Variants in DNAH11 observed in about 807,000 individuals in gnomAD.
DNAH11 encodes dynein axonemal heavy chain 11, also known as axonemal beta dynein heavy chain 11.
Under a neutral mutation model 526.0 loss-of-function variants are expected in DNAH11, and 442 were observed. That is an observed-to-expected ratio of 0.84 (90% CI 0.78 to 0.91). The LOEUF (loss-of-function observed/expected upper bound fraction) is 0.91. Among genes scored for constraint, DNAH11 ranks in the 40% least tolerant of loss-of-function variants. The pLI is 0.00. For synonymous variants in DNAH11, 2,461 were observed against 1,935.9 expected (o/e 1.27, Z -7.12); for missense variants, 6,989 against 5,448.7 (o/e 1.28, Z -8.90).
intron 56 of DNAH11, among the ~76,000 whole-genome samples, chr7:21,776,565 A>G (rs987422723): frequency 3.9e-5 from 6 of 152,182 alleles, no homozygotes; most frequent in African/African-American, 1.4e-4. Flanking sequence ...TTATAGCCAA[A>G]TAACCTCTCT....
At chr7:21,716,391 A>T (rs898648564) in intron 42 of DNAH11, among the ~76,000 whole-genome samples, 2 of 152,236 alleles carry the variant, frequency 1.3e-5, no homozygotes, top group African/African-American at 4.8e-5. Flanking sequence ...GCAAACTTAC[A>T]TAATCCTCAC....
chr7:21,727,845 A>C (rs1430354085), intron 45 of DNAH11, among the ~76,000 whole-genome samples: 1 of 152,204 alleles, frequency 6.6e-6, no homozygotes, highest in Non-Finnish European at 1.5e-5. Context: ...TCTAGAGGCT[A>C]GAAGTCCAAG....
intron 45 of DNAH11, among the ~76,000 whole-genome samples, chr7:21,728,674 A>G (rs549861522): frequency 7.9e-5 from 12 of 152,336 alleles, no homozygotes; most frequent in African/African-American, 2.2e-4. Flanking sequence ...GAATTGAGGT[A>G]CAATTCATCC....
At chr7:21,666,321 T>A (rs1311000996) in intron 30 of DNAH11, among the ~76,000 whole-genome samples, 3 of 152,110 alleles carry the variant, frequency 2.0e-5, no homozygotes, top group African/African-American at 7.2e-5. Context: ...TGAAGGTTCC[T>A]TGGTGAAAGT....
intron 58 of DNAH11, among the ~76,000 whole-genome samples, chr7:21,785,661 A>G (rs10265592): frequency 0.71 from 107,691 of 152,072 alleles, 38,917 homozygotes; most frequent in Non-Finnish European, 0.77. Flanking sequence ...CTCTTTACTC[A>G]GGCAAAATAG....
chr7:21,617,611 T>C lies in DNAH11; in HGVS notation c.4096-8T>C, dbSNP rs770680639. On this transcript the variant is annotated splice_region_variant and splice_polypyrimidine_tract_variant and intron_variant, in intron 22 of 81. Coordinates refer to ENST00000409508, the MANE Select transcript of DNAH11 (RefSeq NM_001277115.2). Reference sequence around the variant, plus strand: ...GGGAGCTAGGTTTTTTCCTCCACTTTTCTTTAGGAAATTTGGTCACTCAAC... The same window carrying C: ...GGGAGCTAGGTTTTTTCCTCCACTTCTCTTTAGGAAATTTGGTCACTCAAC... 1.9e-6 allele frequency: 3 copies of C among 1,613,638 alleles called. No individual in the cohort carries two copies. The highest frequency in any genetic ancestry group is 4.5e-5 in the East Asian group (2 of 44,862).
At chr7:21,576,896 C>T (rs977549429) in intron 8 of DNAH11, among the ~76,000 whole-genome samples, 1 of 152,010 alleles carries the variant, frequency 6.6e-6, no homozygotes, top group Non-Finnish European at 1.5e-5. Context: ...AGAAATGTGT[C>T]TATGTGTGTT....
At chr7:21,548,639 A>G (rs1345511408) in intron 2 of DNAH11, among the ~76,000 whole-genome samples, 1 of 152,194 alleles carries the variant, frequency 6.6e-6, no homozygotes, top group Non-Finnish European at 1.5e-5. Flanking sequence ...AACAGGTTAC[A>G]GAGGTTCCTT....
rs980220652 is a variant in DNAH11 at position 21,619,951 on chromosome 7, A to C, written c.4378-5A>C. 6.3e-7 allele frequency: 1 copy of C among 1,592,284 alleles called. No individual in the cohort carries two copies. Among genetic ancestry groups the C allele is most frequent in the Non-Finnish European group, 8.5e-7 (1 of 1,171,764 alleles). On this transcript the variant is annotated splice_region_variant and splice_polypyrimidine_tract_variant and intron_variant, in intron 24 of 81. Coordinates refer to ENST00000409508, the MANE Select transcript of DNAH11 (RefSeq NM_001277115.2). ...GTGCACATTAATTATATTGTTGATTACTAGGTTATTACTGAAATCAGTCAG... is the reference window on the plus strand; with the variant it reads ...GTGCACATTAATTATATTGTTGATTCCTAGGTTATTACTGAAATCAGTCAG...
chr7:21,721,906 C>G (rs1562509060), intron 44 of DNAH11, among the ~76,000 whole-genome samples: 1 of 152,290 alleles, frequency 6.6e-6, no homozygotes, highest in South Asian at 2.1e-4. Flanking sequence ...ATAGTCAACC[C>G]TGGGTCAATT....
At chr7:21,716,109 T>G (rs192372665) in intron 42 of DNAH11, among the ~76,000 whole-genome samples, 1 of 152,190 alleles carries the variant, frequency 6.6e-6, no homozygotes, top group East Asian at 1.9e-4. Flanking sequence ...TTTTTTGAAG[T>G]TACTGCTCCT....
rs151181028 is a variant in DNAH11, at chr7:21,695,550, A to T, written c.6042-2525A>T. 2.1e-3 allele frequency among the ~76,000 whole-genome samples: 319 copies of T among 152,138 alleles called. 2 individuals are homozygous for T. The highest frequency in any genetic ancestry group is 7.4e-3 in the African/African-American group (309 of 41,558). On this transcript the variant is annotated intron_variant, in intron 35 of 81. Coordinates refer to ENST00000409508, the MANE Select transcript of DNAH11 (RefSeq NM_001277115.2). Reference sequence around the variant, plus strand: ...AAAACTGGCTAGCCATATGCAGAAAAAAAGCTGGACTCCTTCCTTACACCT... The same window carrying T: ...AAAACTGGCTAGCCATATGCAGAAATAAAGCTGGACTCCTTCCTTACACCT...
At chr7:21,827,747 T>C (rs370895266) in intron 65 of DNAH11, among the ~76,000 whole-genome samples, 122 of 152,238 alleles carry the variant, frequency 8.0e-4, no homozygotes, top group African/African-American at 2.7e-3. Flanking sequence ...TTAAGAAGAA[T>C]TGCTTTCAGT....
intron 62 of DNAH11, among the ~76,000 whole-genome samples, chr7:21,806,204 G>A (rs1241249361): frequency 1.3e-5 from 2 of 152,184 alleles, no homozygotes; most frequent in Non-Finnish European, 2.9e-5. Context: ...GATTTCGATA[G>A]CCAATCAGTC....
intron 74 of DNAH11, among the ~76,000 whole-genome samples, chr7:21,874,328 G>GT (rs1448780374): frequency 1.9e-4 from 8 of 41,566 alleles, no homozygotes; most frequent in African/African-American, 5.9e-4. Context: ...TACTTACATG[G>GT]TTTTTTTTTG....
At chr7:21,781,351 A>G (rs1368026505) in intron 57 of DNAH11, among the ~76,000 whole-genome samples, 4 of 152,200 alleles carry the variant, frequency 2.6e-5, no homozygotes, top group African/African-American at 4.8e-5. Context: ...CTTCAAATCT[A>G]TAAGGTAATC....
intron 69 of DNAH11, among the ~76,000 whole-genome samples, chr7:21,862,846 C>G (rs1208054089): frequency 6.6e-6 from 1 of 151,950 alleles, no homozygotes; most frequent in Non-Finnish European, 1.5e-5. Flanking sequence ...GGGAGGATCA[C>G]CAGGTCAGGA....
intron 14 of DNAH11, 91 bp from the exon 15 acceptor site, chr7:21,599,696 C>A (rs1784996772): frequency 9.9e-7 from 1 of 1,013,622 alleles, no homozygotes; most frequent in Non-Finnish European, 1.4e-6. Flanking sequence ...ACAATGCAGT[C>A]TCTTCTTTTA....
intron 76 of DNAH11, among the ~76,000 whole-genome samples, chr7:21,890,259 T>C (rs1784283983): frequency 6.6e-6 from 1 of 152,220 alleles, no homozygotes; most frequent in South Asian, 2.1e-4. Context: ...CTCAGGCCCT[T>C]TTGAGTTGGC....
Sources: allele counts gnomAD v4.1 joint callset (sites outside exome capture counted in the v4.1 genomes callset), GRCh38; gene constraint gnomAD v4.1.1; transcripts MANE v1.5; gene names NCBI Gene and HGNC (gene_info 2026-07-23, HGNC 2026-07-21).